The following N4BP1 variants were observed in gnomAD, a reference collection of about 807,000 sequenced individuals.
N4BP1 encodes NEDD4-binding protein 1.
In N4BP1, 21 loss-of-function variants were observed where a neutral mutation model predicts 70.9. That is an observed-to-expected ratio of 0.30 (90% CI 0.21 to 0.43). The LOEUF (loss-of-function observed/expected upper bound fraction) is 0.43, where lower values mean the gene tolerates loss of function less well. Among genes scored for constraint, N4BP1 ranks in the 20% least tolerant of loss-of-function variants. N4BP1 has a pLI of 1.00. For missense variants in N4BP1, 936 were observed against 1,069.4 expected, an observed-to-expected ratio of 0.88 and a Z score of 1.74; for synonymous variants, 387 against 394.6, an observed-to-expected ratio of 0.98 and a Z score of 0.23.
At position 48,542,723 on chromosome 16, in the gene N4BP1, T is replaced by C. The variant is rs1963521351; in HGVS notation, c.*181A>G. On this transcript the variant is annotated 3_prime_UTR_variant, in exon 7 of 7. Transcript: ENST00000262384. The stretch of plus-strand genomic sequence containing the variant: ...AAATCTGTAATAGCAGCATAATTTA[T>C]ATATAGAAAAAAGCTGGTTTTGAAA... 1.2e-5 allele frequency: 6 copies of C among 495,628 alleles called. No homozygotes were observed. Among genetic ancestry groups the C allele is most frequent in the South Asian group, 4.1e-5 (1 of 24,120 alleles). The allele number at this position is 495,628 out of a possible 1,614,324, so 30.7% of individuals were successfully genotyped here. A position where few individuals can be genotyped will look rare whatever the true frequency, so the allele number is the denominator to read the frequency against.
chr16:48,561,101 G>A lies in N4BP1; in HGVS notation c.1542C>T (p.His514=), dbSNP rs746835970. ...VNFVSRGASS[H]QPRVPLFPEN... ...CAGGAAAAAGTGGAACTCTGGGCTG[G>A]TGACTTGAAGCTCCCCTTGAAACAA... Residue 514 remains histidine, a synonymous_variant, in exon 2 of 7, where the codon CAC becomes CAT. Transcript: ENST00000262384. 1 of 1,614,010 alleles carries A rather than the reference G, an allele frequency of 6.2e-7. No individual in the cohort carries two copies. The highest frequency in any genetic ancestry group is 8.5e-7 in the Non-Finnish European group (1 of 1,179,890).
chr16:48,551,444 A>G lies in N4BP1; in HGVS notation c.2059T>C (p.Leu687=). 6.2e-7 allele frequency: 1 copy of G among 1,613,554 alleles called. No individual in the cohort carries two copies. Among genetic ancestry groups the G allele is most frequent in the Middle Eastern group, 1.7e-4 (1 of 6,060 alleles). The change falls in exon 4 of 7, where the codon TTA becomes CTA. Residue 687 remains leucine (L), a synonymous_variant. Transcript: ENST00000262384. ...ACCATCCGGGCAGGAGTTAAAGATA[A>G]TATTCCGAGCTCCTGGAGCTGGGTT... ...FLTQLQELGI[L]SLTPARMVFG...
chr16:48,605,909 T>C (rs1180698709), intron 1 of N4BP1, among the ~76,000 whole-genome samples: 2 of 152,204 alleles, frequency 1.3e-5, no homozygotes, highest in Admixed American at 1.3e-4. Flanking sequence ...CCCCTGTGAT[T>C]GCACACAGCT....
chr16:48,544,225 C>T (rs1348751983), intron 6 of N4BP1, among the ~76,000 whole-genome samples: 1 of 152,172 alleles, frequency 6.6e-6, no homozygotes, highest in Admixed American at 6.5e-5. Context: ...GTCATAAAAC[C>T]CAAAGGCTCA....
At chr16:48,555,280 A>T (rs118018949) in intron 2 of N4BP1, among the ~76,000 whole-genome samples, 4,278 of 152,076 alleles carry the variant, frequency 0.028, 74 homozygotes, top group Middle Eastern at 0.066. Context: ...GGGAAAGAGC[A>T]GCCTGCCTGG....
At chr16:48,583,424 T>C (rs960354570) in intron 1 of N4BP1, among the ~76,000 whole-genome samples, 2 of 152,180 alleles carry the variant, frequency 1.3e-5, no homozygotes, top group South Asian at 2.1e-4. Context: ...TCTGGAGATG[T>C]TGGTCAAAGG....
intron 1 of N4BP1, among the ~76,000 whole-genome samples, chr16:48,605,951 A>G (rs1446991755): frequency 2.0e-5 from 3 of 152,134 alleles, no homozygotes; most frequent in African/African-American, 7.2e-5. Flanking sequence ...CCTGCTACCT[A>G]GGAAACCGGC....
intron 1 of N4BP1, among the ~76,000 whole-genome samples, chr16:48,590,379 T>C (rs768688252): frequency 2.6e-5 from 4 of 152,114 alleles, no homozygotes; most frequent in Non-Finnish European, 5.9e-5. Flanking sequence ...AAAACTCTAG[T>C]CTCCCACACA....
chr16:48,543,322 AT>A, intron 6 of N4BP1, 61 bp from the exon 7 acceptor site: 1 of 1,338,170 alleles, frequency 7.5e-7, no homozygotes, highest in Non-Finnish European at 9.8e-7. Flanking sequence ...TCATAGAGCT[AT>A]TTTAGAAGGT....
chr16:48,573,380 T>A (rs1427803375), intron 1 of N4BP1, among the ~76,000 whole-genome samples: 1 of 152,106 alleles, frequency 6.6e-6, no homozygotes, highest in Non-Finnish European at 1.5e-5. Flanking sequence ...TTGTTTGAGG[T>A]CAGGAGTTCA....
At chr16:48,577,044 G>A (rs1251096173) in intron 1 of N4BP1, among the ~76,000 whole-genome samples, 1 of 152,182 alleles carries the variant, frequency 6.6e-6, no homozygotes, top group Admixed American at 6.5e-5. Context: ...GATTAAAGGT[G>A]TAAGCCACTA....
At chr16:48,579,390 T>C (rs184650581) in intron 1 of N4BP1, among the ~76,000 whole-genome samples, 7 of 152,262 alleles carry the variant, frequency 4.6e-5, no homozygotes, top group South Asian at 4.1e-4. Flanking sequence ...AGAATGGCCT[T>C]TCAAATATAA....
At chr16:48,573,622 C>T (rs890884836) in intron 1 of N4BP1, among the ~76,000 whole-genome samples, 2 of 151,720 alleles carry the variant, frequency 1.3e-5, no homozygotes, top group Non-Finnish European at 2.9e-5. Context: ...CAAAAAAAAC[C>T]CCAGCAATAT....
chr16:48,589,641 G>A (rs1320671358), intron 1 of N4BP1, among the ~76,000 whole-genome samples: 1 of 152,168 alleles, frequency 6.6e-6, no homozygotes, highest in Non-Finnish European at 1.5e-5. Context: ...AACCCATGGA[G>A]TGAGTTGTGA....
intron 2 of N4BP1, among the ~76,000 whole-genome samples, chr16:48,555,447 T>C (rs1385475832): frequency 1.3e-5 from 2 of 152,218 alleles, no homozygotes; most frequent in Non-Finnish European, 2.9e-5. Flanking sequence ...CTCTGTGAGA[T>C]TCACAAGAGC....
chr16:48,562,259 G>T lies in N4BP1; in HGVS notation c.384C>A (p.Val128=), dbSNP rs1319053030. The part of the protein sequence containing the change: ...LGIRGSAEAV[V]MARSHIQQFV... ...ATTGTTGAATGTGACTCCTAGCCAT[G>T]ACCACAGCCTCAGCACTTCCTCTGA... The change falls in exon 2 of 7, where the codon GTC becomes GTA. Residue 128 remains valine (V), a synonymous_variant. Transcript: ENST00000262384. 6.2e-7 allele frequency: 1 copy of T among 1,613,788 alleles called. No homozygotes were observed. Among genetic ancestry groups the T allele is most frequent in the Non-Finnish European group, 8.5e-7 (1 of 1,179,878 alleles).
chr16:48,556,512 GC>G (rs1464476630), intron 2 of N4BP1, among the ~76,000 whole-genome samples: 6 of 152,168 alleles, frequency 3.9e-5, no homozygotes, highest in African/African-American at 1.4e-4. Flanking sequence ...AAGCTCTGGG[GC>G]TCCCAGTTCC....
intron 1 of N4BP1, among the ~76,000 whole-genome samples, chr16:48,598,941 TAAGTTA>T (rs1235792904): frequency 2.0e-5 from 3 of 152,152 alleles, no homozygotes; most frequent in African/African-American, 7.2e-5. Flanking sequence ...AAACACACTT[TAAGTTA>T]AAAAGTTGTA....
chr16:48,559,046 A>G (rs1015784801), intron 2 of N4BP1, among the ~76,000 whole-genome samples: 10 of 152,198 alleles, frequency 6.6e-5, no homozygotes, highest in Non-Finnish European at 1.0e-4. Flanking sequence ...TTATGACCAT[A>G]TATCTGAGAT....
Sources: allele counts gnomAD v4.1 joint callset (sites outside exome capture counted in the v4.1 genomes callset), GRCh38; gene constraint gnomAD v4.1.1; transcripts MANE v1.5; gene names NCBI Gene and HGNC (gene_info 2026-07-23, HGNC 2026-07-21).